Variants in ATP6V1C1 observed in about 807,000 individuals in gnomAD.
ATP6V1C1 encodes the protein V-type proton ATPase subunit C 1.
Under a neutral mutation model 53.9 loss-of-function variants are expected in ATP6V1C1, and 45 were observed. That is an observed-to-expected ratio of 0.83 (90% CI 0.66 to 1.07). The LOEUF (loss-of-function observed/expected upper bound fraction) is 1.07, where lower values mean the gene tolerates loss of function less well. ATP6V1C1 is among the 50% of genes least tolerant of loss of function. The pLI is 0.00. For synonymous variants in ATP6V1C1, 153 were observed against 155.2 expected (o/e 0.99, Z 0.11); for missense variants, 315 against 440.3 (o/e 0.72, Z 2.55).
intron 10 of ATP6V1C1, 51 bp downstream of exon 10, chr8:103,063,279 G>T: frequency 1.7e-6 from 2 of 1,184,236 alleles, no homozygotes. Flanking sequence ...AAGAAAAAGT[G>T]GTATTGCTTT....
rs1817550428 is a variant in ATP6V1C1, at chr8:103,069,524, TAAG to T, written c.*780_*782del. The T allele has an allele frequency of 6.6e-6, 1 of 152,228 alleles. No individual in the cohort carries two copies. The highest frequency in any genetic ancestry group is 1.5e-5 in the Non-Finnish European group (1 of 68,030). The allele number at this position is 152,228 out of a possible 1,614,324, so 9.4% of individuals were successfully genotyped here. ...TAGAATTTTAGGTCTCTCAAATAAT[TAAG>T]AATAGAGCCAGTTTTGAATAAAGTC... On this transcript the variant is annotated 3_prime_UTR_variant, in exon 13 of 13. Transcript: ENST00000518738.
chr8:103,034,093 C>G (rs764090849), intron 1 of ATP6V1C1, among the ~76,000 whole-genome samples: 4 of 152,148 alleles, frequency 2.6e-5, no homozygotes, highest in African/African-American at 9.7e-5. Flanking sequence ...TGGAGACATA[C>G]ATTTCAGAAA....
At chr8:103,053,617 T>C (rs1418101884) in intron 6 of ATP6V1C1, among the ~76,000 whole-genome samples, 2 of 151,968 alleles carry the variant, frequency 1.3e-5, no homozygotes, top group African/African-American at 4.8e-5. Context: ...CAAGATATTA[T>C]ATATGTAGGC....
intron 12 of ATP6V1C1, among the ~76,000 whole-genome samples, chr8:103,068,325 C>T (rs1477714441): frequency 2.0e-5 from 3 of 152,180 alleles, no homozygotes; most frequent in African/African-American, 7.2e-5. Flanking sequence ...ATCCCATCAA[C>T]TCAGTATTCT....
At chr8:103,041,766 G>A (rs929464998) in intron 2 of ATP6V1C1, among the ~76,000 whole-genome samples, 3 of 152,072 alleles carry the variant, frequency 2.0e-5, no homozygotes, top group Non-Finnish European at 2.9e-5. Flanking sequence ...CAGCTACTTG[G>A]GAGGCTGAGG....
intron 8 of ATP6V1C1, among the ~76,000 whole-genome samples, chr8:103,056,331 G>T (rs1428775133): frequency 6.6e-6 from 1 of 152,164 alleles, no homozygotes; most frequent in Non-Finnish European, 1.5e-5. Context: ...GGCAAAGGAA[G>T]TGTACCAGAA....
At chr8:103,066,285 C>T (rs1227430298) in intron 11 of ATP6V1C1, 36 bp from the exon 12 acceptor site, 2 of 1,574,378 alleles carry the variant, frequency 1.3e-6, no homozygotes, top group Admixed American at 4.1e-5. Context: ...TACATGTTTG[C>T]TTGTATTGCG....
intron 2 of ATP6V1C1, among the ~76,000 whole-genome samples, chr8:103,042,022 C>T (rs539180831): frequency 3.9e-5 from 6 of 152,294 alleles, no homozygotes; most frequent in South Asian, 2.1e-4. Flanking sequence ...AGCGCACATC[C>T]GTGGACCTCC....
chr8:103,061,193 T>TA (rs922269405), intron 8 of ATP6V1C1, among the ~76,000 whole-genome samples: 12 of 152,332 alleles, frequency 7.9e-5, no homozygotes, highest in African/African-American at 2.9e-4. Context: ...TTTGAGAAGA[T>TA]ACAGTTTAAC....
chr8:103,066,343 C>T lies in ATP6V1C1; in HGVS notation c.949C>T (p.Gln317Ter). 1.2e-6 allele frequency: 2 copies of T among 1,611,988 alleles called. No individual in the cohort carries two copies. Among genetic ancestry groups the T allele is most frequent in the Non-Finnish European group, 1.7e-6 (2 of 1,179,454 alleles). Reference sequence around the variant, plus strand: ...AAGGTATGGCTTGCCAGTGAACTTCCAAGCAATGCTACTTCAGCCCAATAA... The same window carrying T: ...AAGGTATGGCTTGCCAGTGAACTTCTAAGCAATGCTACTTCAGCCCAATAA... ...VLRYGLPVNF[Q>*]AMLLQPNKKT... The change falls in exon 12 of 13, where the codon CAA becomes TAA. Residue 317 changes from glutamine (Q) to a stop codon, truncating the protein, a stop_gained. Transcript: ENST00000518738. LOFTEE classifies it high-confidence loss of function.
intron 1 of ATP6V1C1, among the ~76,000 whole-genome samples, chr8:103,040,115 T>G (rs369548764): frequency 2.6e-5 from 4 of 152,188 alleles, no homozygotes; most frequent in African/African-American, 9.6e-5. Flanking sequence ...ATAAAAGTTA[T>G]GCTTTTTTTT....
rs774938232 is a variant in ATP6V1C1, at chr8:103,048,865, C to G, written c.201-5C>G. ...GAATGGTTGTTGATATTTTTTCTTC[C>G]CCAGAGTGGTTAAGAAAGTAGCTCA... On this transcript the variant is annotated splice_region_variant and splice_polypyrimidine_tract_variant and intron_variant, in intron 3 of 12. Coordinates refer to ENST00000518738, the MANE Select transcript of ATP6V1C1 (RefSeq NM_001695.5). The G allele has an allele frequency of 2.5e-6, 4 of 1,608,900 alleles. No individual in the cohort carries two copies. The Admixed American group carries it at 5.0e-5, about 20-fold the overall frequency.
At chr8:103,064,156 C>G (rs1817449710) in intron 10 of ATP6V1C1, among the ~76,000 whole-genome samples, 2 of 152,236 alleles carry the variant, frequency 1.3e-5, no homozygotes, top group South Asian at 4.1e-4. Context: ...CTTAATCCTA[C>G]TAAATATTTG....
chr8:103,044,515 C>T (rs1294528937), intron 3 of ATP6V1C1, among the ~76,000 whole-genome samples: 1 of 152,104 alleles, frequency 6.6e-6, no homozygotes, highest in Non-Finnish European at 1.5e-5. Flanking sequence ...TGTCCTGGCA[C>T]CCTTACTGAA....
chr8:103,026,982 C>T (rs181264941), intron 1 of ATP6V1C1, among the ~76,000 whole-genome samples: 5 of 152,078 alleles, frequency 3.3e-5, no homozygotes, highest in African/African-American at 7.2e-5. Flanking sequence ...GCTTCTGTTT[C>T]GAAGGATAGA....
In ATP6V1C1 at chr8:103,047,406, T is replaced by TA. The variant is rs35561690; in HGVS notation, c.201-1448dup. Among the ~76,000 whole-genome samples, 471 of 109,614 alleles carry TA rather than the reference T, an allele frequency of 4.3e-3. 5 individuals are homozygous for TA. The highest frequency in any genetic ancestry group is 5.9e-3 in the African/African-American group (172 of 28,988). 71.9% of individuals were successfully genotyped at this position (109,614 alleles called of 152,430 possible). On this transcript the variant is annotated intron_variant, in intron 3 of 12. Transcript: ENST00000518738. ...TGGGCAGTAGAGTGAGACTCTCTCT[T>TA]AAAAAAAAAAAAAAAATGCGCGCGC...
In ATP6V1C1 at chr8:103,072,222, A is replaced by T. The variant is rs893881143; in HGVS notation, c.*3475A>T. 2 of 152,250 alleles carry T rather than the reference A, an allele frequency of 1.3e-5. No individual in the cohort carries two copies. Among genetic ancestry groups the T allele is most frequent in the Non-Finnish European group, 2.9e-5 (2 of 68,038 alleles). The allele number at this position is 152,250 out of a possible 1,614,324, so 9.4% of individuals were successfully genotyped here. A position where few individuals can be genotyped will look rare whatever the true frequency, so the allele number is the denominator to read the frequency against. ...GTACCTTTAAAGTAACACTTTGTAC[A>T]TAACAAATACTCAGCAAATGTGAAA... is the stretch of plus-strand genomic sequence containing the variant. On this transcript the variant is annotated 3_prime_UTR_variant, in exon 13 of 13. Transcript: ENST00000518738.
chr8:103,032,675 A>G (rs1324689452), intron 1 of ATP6V1C1, among the ~76,000 whole-genome samples: 1 of 152,014 alleles, frequency 6.6e-6, no homozygotes, highest in Admixed American at 6.6e-5. Flanking sequence ...ACAGGGTTTC[A>G]GCATGTTGGC....
At chr8:103,025,453 T>A (rs2047378) in intron 1 of ATP6V1C1, among the ~76,000 whole-genome samples, 87,321 of 152,138 alleles carry the variant, frequency 0.57, 27,246 homozygotes, top group African/African-American at 0.84. Context: ...GATGTTGAGG[T>A]TACAGAGGTT....
Sources: allele counts gnomAD v4.1 joint callset (sites outside exome capture counted in the v4.1 genomes callset), GRCh38; gene constraint gnomAD v4.1.1; transcripts MANE v1.5; gene names NCBI Gene and HGNC (gene_info 2026-07-23, HGNC 2026-07-21).